The following MGAM variants were observed in gnomAD, a reference collection of about 807,000 sequenced individuals.
MGAM encodes the protein maltase-glucoamylase, also known as alpha-1,4-glucosidase.
Under a neutral mutation model 358.8 loss-of-function variants are expected in MGAM, and 253 were observed. The ratio of observed to expected loss-of-function variants is 0.71; its 90% confidence interval spans 0.64 to 0.78. The LOEUF is 0.78. MGAM is among the 30% of genes least tolerant of loss of function. MGAM has a pLI of 0.00. For synonymous variants in MGAM, 1,105 were observed against 1,227.1 expected, an observed-to-expected ratio of 0.90 and a Z score of 2.08; for missense variants, 3,080 against 3,432.6, an observed-to-expected ratio of 0.90 and a Z score of 2.57.
chr7:142,020,063 C>A (rs1384532623), intron 4 of MGAM, among the ~76,000 whole-genome samples: 2 of 80,124 alleles, frequency 2.5e-5, no homozygotes, highest in East Asian at 8.0e-4. Context: ...AGCGAGACTC[C>A]GTCTCAAAAA....
At chr7:141,991,254 C>T (rs1444444530), upstream of MGAM, among the ~76,000 whole-genome samples, 1 of 152,144 alleles carries the variant, frequency 6.6e-6, no homozygotes, top group Admixed American at 6.5e-5. Context: ...CTGTTATTCT[C>T]ATAGTGCCTT....
chr7:142,040,621 A>T, intron 20 of MGAM, 101 bp from the exon 21 acceptor site: 1 of 1,433,460 alleles, frequency 7.0e-7, no homozygotes, highest in East Asian at 2.5e-5. Flanking sequence ...AATTCAGCTA[A>T]TTGGAAAAGG....
At position 142,031,798 on chromosome 7, in the gene MGAM, G is replaced by T; in HGVS notation, c.1584+5G>T. 1 of 1,565,880 alleles carries T rather than the reference G, an allele frequency of 6.4e-7. No individual in the cohort carries two copies. Among genetic ancestry groups the T allele is most frequent in the East Asian group, 2.2e-5 (1 of 44,602 alleles). On this transcript the variant is annotated splice_donor_5th_base_variant and intron_variant, in intron 13 of 70. Transcript: ENST00000475668. ...GAGTTTGATGGAATCTGGATTGTGA[G>T]TTGTTTACACTTGGATTATTAGGTG...
At position 142,064,421 on chromosome 7, in the gene MGAM, C is replaced by A. The variant is rs1210138272; in HGVS notation, c.4383C>A (p.Thr1461=). 6.2e-7 allele frequency: 1 copy of A among 1,608,178 alleles called. No homozygotes were observed. Among genetic ancestry groups the A allele is most frequent in the East Asian group, 2.2e-5 (1 of 44,660 alleles). Residue 1461 remains threonine (T), a synonymous_variant, in exon 37 of 71, where the codon ACC becomes ACA. Transcript: ENST00000475668. The stretch of plus-strand genomic sequence containing the variant: ...GGGACAGGGGCCTGAGCAGCAAGAC[C>A]CTTTGTATGGAGAGTCAGCAGATCC... ...ESRDRGLSSK[T]LCMESQQILP... is the part of the protein sequence containing the mutation.
intron 59 of MGAM, 142 bp from the exon 60 acceptor site, chr7:142,093,270 G>C: frequency 8.7e-7 from 1 of 1,145,854 alleles, no homozygotes. Flanking sequence ...TGGGGGCGCT[G>C]TGCTCATGTC....
rs775993629 is a variant in MGAM at position 142,091,958 on chromosome 7, A to G, written c.6856A>G (p.Thr2286Ala). 19 of 1,534,254 alleles carry G rather than the reference A, an allele frequency of 1.2e-5. 4 individuals carry two copies. The highest frequency in any genetic ancestry group is 5.4e-5 in the African/African-American group (4 of 74,272). Reference protein sequence around the residue: ...VAFPDFFRNSTAKWWKREIEE... With the variant: ...VAFPDFFRNSAAKWWKREIEE... ...CTTCCCAGACTTTTTCCGTAATTCA[A>G]CTGCCAAGTGGTGGAAGAGGGAAAT... is the stretch of plus-strand genomic sequence containing the variant. The change falls in exon 58 of 71, where the codon ACT (threonine) becomes GCT (alanine). Residue 2286 changes from threonine (T) to alanine (A), a missense_variant. Transcript: ENST00000475668.
chr7:142,083,312 C>T lies in MGAM; in HGVS notation c.6280C>T (p.Gln2094Ter). 2 of 1,550,960 alleles carry T rather than the reference C, an allele frequency of 1.3e-6. 1 individual carries two copies. ...LNSNAMDVTFQPLPALTYRTT... is the reference protein window; with the variant it reads ...LNSNAMDVTF ...TTCTTCATTTTCAGATGTGACGTTC[C>T]AGCCCCTGCCTGCCTTGACATACCG... is the stretch of plus-strand genomic sequence containing the variant. Residue 2094 changes from glutamine to a stop codon, truncating the protein, a stop_gained, in exon 53 of 71, where the codon CAG (glutamine) becomes TAG (stop). Transcript: ENST00000475668. LOFTEE classifies it high-confidence loss of function.
chr7:142,038,675 A>G (rs1808236589), intron 19 of MGAM, 60 bp downstream of exon 19: 1 of 1,243,222 alleles, frequency 8.0e-7, no homozygotes, highest in Non-Finnish European at 1.1e-6. Flanking sequence ...TGCCCTGCAA[A>G]CTCCTCTCTG....
upstream of MGAM, among the ~76,000 whole-genome samples, chr7:141,991,343 G>A (rs144353533): frequency 2.9e-3 from 436 of 152,242 alleles, 1 homozygote; most frequent in African/African-American, 1.0e-2. Flanking sequence ...TTCTGTGGCC[G>A]GAAGTGAGGA....
intron 21 of MGAM, among the ~76,000 whole-genome samples, chr7:142,042,127 A>C (rs1299918243): frequency 1.5e-5 from 1 of 66,464 alleles, no homozygotes; most frequent in African/African-American, 6.4e-5. Context: ...TATAATATAT[A>C]TACATATAAT....
intron 21 of MGAM, among the ~76,000 whole-genome samples, chr7:142,041,963 A>T (rs181616974): frequency 5.3e-5 from 3 of 56,980 alleles, no homozygotes; most frequent in African/African-American, 9.2e-5. Flanking sequence ...TATATAATAT[A>T]TATATATTAT....
At position 142,080,710 on chromosome 7, in the gene MGAM, T is replaced by C; in HGVS notation, c.5848-81T>C. ...CAGAAACATAGCATCTGAACTTTTG[T>C]CCAAAAATCAAAAAGGTTCTGCTAA... On this transcript the variant is annotated intron_variant, in intron 49 of 70. Transcript: ENST00000475668. 5 of 1,259,678 alleles carry C rather than the reference T, an allele frequency of 4.0e-6. No homozygotes were observed. In the South Asian group the frequency reaches 4.5e-5, roughly 11 times the overall value. The allele number at this position is 1,259,678 out of a possible 1,614,324, so 78.0% of individuals were successfully genotyped here. A position where few individuals can be genotyped will look rare whatever the true frequency, so the allele number is the denominator to read the frequency against.
At chr7:142,063,622 T>C (rs1812447374) in intron 36 of MGAM, 36 bp downstream of exon 36, 1 of 1,603,302 alleles carries the variant, frequency 6.2e-7, no homozygotes, top group Non-Finnish European at 8.5e-7. Context: ...GGCAGAGCCA[T>C]GACTGGAAGG....
At chr7:142,052,678 G>A (rs1811111212) in intron 25 of MGAM, 106 bp from the exon 26 acceptor site, 4 of 1,410,174 alleles carry the variant, frequency 2.8e-6, no homozygotes, top group South Asian at 1.3e-5. Flanking sequence ...GATAAGTGAT[G>A]GGCTAGTTTT....
At position 142,100,818 on chromosome 7, in the gene MGAM, G is replaced by A; in HGVS notation, c.7891G>A (p.Gly2631Ser). The change falls in exon 68 of 71, where the codon GGC (glycine) becomes AGC (serine). Residue 2631 changes from glycine to serine, a missense_variant. Transcript: ENST00000475668. Reference sequence around the variant, plus strand: ...TCACTGCAGCCGCCAGAAATTCATGGGCTTCAAAATTGCCTTGGATGATGA... The same window carrying A: ...TCACTGCAGCCGCCAGAAATTCATGAGCTTCAAAATTGCCTTGGATGATGA... Reference protein sequence around the residue: ...NTHLSRQKFMGFKIALDDEGT... With the variant: ...NTHLSRQKFMSFKIALDDEGT... 1 of 1,612,196 alleles carries A rather than the reference G, an allele frequency of 6.2e-7. No homozygotes were observed. The highest frequency in any genetic ancestry group is 8.5e-7 in the Non-Finnish European group (1 of 1,179,234).
chr7:142,031,680 G>A lies in MGAM; in HGVS notation c.1471G>A (p.Val491Ile), dbSNP rs781896542. The A allele has an allele frequency of 6.2e-7, 1 of 1,601,498 alleles. No individual in the cohort carries two copies. Among genetic ancestry groups the A allele is most frequent in the Non-Finnish European group, 8.5e-7 (1 of 1,169,840 alleles). Residue 491 changes from valine (V) to isoleucine (I), a missense_variant and splice_region_variant, in exon 13 of 71, where the codon GTC becomes ATC. Physicochemically the swap from Val to Ile is conservative, Grantham distance 29. Coordinates refer to ENST00000475668, the MANE Select transcript of MGAM (RefSeq NM_001365693.1). Reference sequence around the variant, plus strand: ...CAGTGTTTTTCTTTTTCTCCTGAAGGTCTGGCCTGGACAAACTGTGTTTCC... The same window carrying A: ...CAGTGTTTTTCTTTTTCTCCTGAAGATCTGGCCTGGACAAACTGTGTTTCC... ...SDGVTPLIGE[V>I]WPGQTVFPDY... is the part of the protein sequence containing the mutation.
rs571718158 is a variant in MGAM at position 142,040,665 on chromosome 7, T to C, written c.2374-57T>C. On this transcript the variant is annotated intron_variant, in intron 20 of 70. Transcript: ENST00000475668. ...TGTGTATCACCAGGCATGTAGATAATCAGTGAAGGGCAATATGCTGTCATG... is the reference window on the plus strand; with the variant it reads ...TGTGTATCACCAGGCATGTAGATAACCAGTGAAGGGCAATATGCTGTCATG... 5.6e-6 allele frequency: 9 copies of C among 1,593,080 alleles called. 1 individual carries two copies. Among genetic ancestry groups the C allele is most frequent in the Middle Eastern group, 3.3e-4 (2 of 6,008 alleles).
Position 142,045,098 on chromosome 7 carries a change from T to G in MGAM, c.2499-2687T>G, listed in dbSNP as rs1809893454. ...TGTAATATATGATATATAATATGTA[T>G]ATTATATATACGTGCAATATATGAT... On this transcript the variant is annotated intron_variant, in intron 21 of 70. Coordinates refer to ENST00000475668, the MANE Select transcript of MGAM (RefSeq NM_001365693.1). 1.6e-4 allele frequency among the ~76,000 whole-genome samples: 11 copies of G among 68,340 alleles called. No homozygotes were observed. In the South Asian group the frequency reaches 4.9e-3, roughly 31 times the overall value. The allele number at this position is 68,340 out of a possible 152,430, so 44.8% of individuals were successfully genotyped here. A position where few individuals can be genotyped will look rare whatever the true frequency, so the allele number is the denominator to read the frequency against.
chr7:142,066,794 A>T, intron 41 of MGAM, 73 bp downstream of exon 41: 1 of 1,456,156 alleles, frequency 6.9e-7, no homozygotes, highest in South Asian at 1.2e-5. Flanking sequence ...GTTGATATAC[A>T]CAACGCTTCC....
Sources: gnomAD v4.1 joint callset for allele counts (sites outside exome capture counted in the v4.1 genomes callset) on GRCh38, gnomAD v4.1.1 for gene constraint, MANE v1.5 for transcripts, NCBI Gene and HGNC (gene_info 2026-07-23, HGNC 2026-07-21) for gene names.